SMARCD3: variants seen among roughly 807,000 people sequenced by gnomAD.
The protein encoded by SMARCD3 is SWI/SNF-related matrix-associated actin-dependent regulator of chromatin subfamily D member 3.
A neutral mutation model predicts 58.0 loss-of-function variants in SMARCD3; 14 were observed. That is an observed-to-expected ratio of 0.24 (90% CI 0.16 to 0.38). SMARCD3 has a LOEUF of 0.38. SMARCD3 is among the 10% of genes least tolerant of loss of function. The pLI is 1.00. For missense variants in SMARCD3, 408 were observed against 636.9 expected, an observed-to-expected ratio of 0.64 and a Z score of 3.87; for synonymous variants, 253 against 253.8, an observed-to-expected ratio of 1.00 and a Z score of 0.03.
Position 151,241,378 on chromosome 7 carries a change from T to C in SMARCD3, c.939+114A>G, listed in dbSNP as rs1233202018. ...CTCCAAGACCATGACTGTGTACTGC[T>C]TCTGCTACTCAGGAATCTAGAAGGG... On this transcript the variant is annotated intron_variant, in intron 8 of 12. Coordinates refer to ENST00000262188, the MANE Select transcript of SMARCD3 (RefSeq NM_001003801.2). The surrounding 1 kb of genome is among the most constrained non-coding windows in gnomAD (Gnocchi z 5.3). 1.1e-6 allele frequency: 1 copy of C among 898,210 alleles called. No individual in the cohort carries two copies. The highest frequency in any genetic ancestry group is 1.4e-5 in the South Asian group (1 of 70,420). The allele number at this position is 898,210 out of a possible 1,614,324, so 55.6% of individuals were successfully genotyped here.
chr7:151,259,626 T>TTTTTTTTTTTA (rs1803850533), intron 2 of SMARCD3, among the ~76,000 whole-genome samples: 1 of 144,420 alleles, frequency 6.9e-6, no homozygotes, highest in African/African-American at 2.6e-5. Flanking sequence ...TTTTTTTTTT[T>TTTTTTTTTTTA]GAGACGGACT....
chr7:151,265,579 A>C (rs1006419608), intron 2 of SMARCD3, among the ~76,000 whole-genome samples: 1 of 152,112 alleles, frequency 6.6e-6, no homozygotes, highest in Non-Finnish European at 1.5e-5. Context: ...TCCACCTACC[A>C]CCTGGGCCTC....
chr7:151,263,179 C>T (rs1226561752), intron 2 of SMARCD3, among the ~76,000 whole-genome samples: 3 of 152,048 alleles, frequency 2.0e-5, no homozygotes, highest in Non-Finnish European at 4.4e-5. Flanking sequence ...TGTGTCTAGA[C>T]TAGATCCTAG....
At chr7:151,256,267 C>A (rs1213260707) in intron 2 of SMARCD3, among the ~76,000 whole-genome samples, 1 of 151,310 alleles carries the variant, frequency 6.6e-6, no homozygotes, top group Admixed American at 6.6e-5. Context: ...GCCTCCTGGG[C>A]TCAAGCAATT....
chr7:151,257,469 G>GTT (rs2150605812), intron 2 of SMARCD3, among the ~76,000 whole-genome samples: 1 of 152,260 alleles, frequency 6.6e-6, no homozygotes, highest in East Asian at 1.9e-4. Flanking sequence ...TGGGACTACA[G>GTT]GCACCCGCCA....
chr7:151,274,497 C>T (rs918499731), intron 2 of SMARCD3, among the ~76,000 whole-genome samples: 4 of 152,174 alleles, frequency 2.6e-5, no homozygotes, highest in Non-Finnish European at 4.4e-5. Flanking sequence ...GCTAGAGGTC[C>T]GCCTGGGGCA....
In SMARCD3 at chr7:151,247,231, G is replaced by A. The variant is rs566763221; in HGVS notation, c.78+1254C>T. On this transcript the variant is annotated intron_variant, in intron 1 of 12. Coordinates refer to ENST00000262188, the MANE Select transcript of SMARCD3 (RefSeq NM_001003801.2). ...AAGAACTGAAGCTGTAAGTTGACCA[G>A]ATTAAAAAAACAGTCCACGTGTACA... 2.6e-4 allele frequency among the ~76,000 whole-genome samples: 40 copies of A among 152,208 alleles called. 1 individual carries two copies. The South Asian group carries it at 7.9e-3, about 30-fold the overall frequency.
Position 151,239,302 on chromosome 7 carries a change from T to C in SMARCD3, c.1398+94A>G, listed in dbSNP as rs1330393699. ...GTGAGGCAGCGTGGTGAAGCTTTAC[T>C]GTGGGGAGCTGCGAGGGCTGCCCAC... On this transcript the variant is annotated intron_variant, in intron 12 of 12. Coordinates refer to ENST00000262188, the MANE Select transcript of SMARCD3 (RefSeq NM_001003801.2). The surrounding 1 kb of genome is among the most constrained non-coding windows in gnomAD (Gnocchi z 7.0). 8 of 1,321,612 alleles carry C rather than the reference T, an allele frequency of 6.1e-6. No individual in the cohort carries two copies. In the East Asian group the frequency reaches 1.9e-4, roughly 31 times the overall value. 81.9% of individuals were successfully genotyped at this position (1,321,612 alleles called of 1,614,324 possible).
At chr7:151,251,814 C>A (rs890552128), upstream of SMARCD3, among the ~76,000 whole-genome samples, 1 of 151,298 alleles carries the variant, frequency 6.6e-6, no homozygotes, top group African/African-American at 2.4e-5. Context: ...AAGCGCCGCT[C>A]CCCGCGCAGG....
At chr7:151,276,858 G>C (rs1317762104), upstream of SMARCD3, 1 of 110,342 alleles carries the variant, frequency 9.1e-6, no homozygotes, top group African/African-American at 3.4e-5. Context: ...GGGGAGGAGG[G>C]GGAAGCCAGG....
At chr7:151,258,694 G>T (rs972317339) in intron 2 of SMARCD3, among the ~76,000 whole-genome samples, 2 of 151,994 alleles carry the variant, frequency 1.3e-5, no homozygotes, top group Non-Finnish European at 2.9e-5. Context: ...TGCAGGATCT[G>T]GTCTCATCCT....
chr7:151,275,248 G>A, exon 2 of SMARCD3: 2 of 1,031,852 alleles, frequency 1.9e-6, no homozygotes, highest in Non-Finnish European at 1.5e-6. Context: ...GCCATTCTGA[G>A]GATCTGAAAG....
chr7:151,253,847 G>A (rs191664317), intron 2 of SMARCD3, among the ~76,000 whole-genome samples: 10 of 152,080 alleles, frequency 6.6e-5, no homozygotes, highest in African/African-American at 1.2e-4. Context: ...GCGGGCAATA[G>A]GGCCACGTCC....
rs780171546 is a variant in SMARCD3 at position 151,248,604 on chromosome 7, C to T, written c.-42G>A. On this transcript the variant is annotated 5_prime_UTR_variant, in exon 1 of 13. Coordinates refer to ENST00000262188, the MANE Select transcript of SMARCD3 (RefSeq NM_001003801.2). The surrounding 1 kb of genome is among the most constrained non-coding windows in gnomAD (Gnocchi z 6.1). ...GCTCCTCTCACTCTCTCTCTCTCTT[C>T]CTCTTTCTTTCCCTTTTCTGCCTTT... The T allele has an allele frequency of 3.3e-5, 53 of 1,607,862 alleles. No homozygotes were observed. The highest frequency in any genetic ancestry group is 4.3e-5 in the Non-Finnish European group (51 of 1,175,798).
At position 151,245,531 on chromosome 7, in the gene SMARCD3, C is replaced by T. The variant is rs1803216633; in HGVS notation, c.219G>A (p.Ala73=). The change falls in exon 2 of 13, where the codon GCG becomes GCA. Residue 73 remains alanine (A), a synonymous_variant. Coordinates refer to ENST00000262188, the MANE Select transcript of SMARCD3 (RefSeq NM_001003801.2). This position sits in a 1 kb window ranked among gnomAD's most constrained non-coding sequence, Gnocchi z 6.2. ...AGMEPARKRA[A]PPPGQSQAQS... Reference sequence around the variant, plus strand: ...GTGCCTGGCTCTGCCCGGGCGGGGGCGCTGCTCGCTTGCGGGCGGGCTCCA... The same window carrying T: ...GTGCCTGGCTCTGCCCGGGCGGGGGTGCTGCTCGCTTGCGGGCGGGCTCCA... 2.5e-6 allele frequency: 3 copies of T among 1,220,630 alleles called. No homozygotes were observed. Among genetic ancestry groups the T allele is most frequent in the East Asian group, 3.2e-5 (1 of 31,206 alleles). 75.6% of individuals were successfully genotyped at this position (1,220,630 alleles called of 1,614,324 possible).
intron 2 of SMARCD3, among the ~76,000 whole-genome samples, chr7:151,254,052 CAT>C (rs1402397643): frequency 6.6e-6 from 1 of 152,202 alleles, no homozygotes; most frequent in Non-Finnish European, 1.5e-5. Flanking sequence ...CCTCGGGACT[CAT>C]AGGGTGGTTG....
intron 2 of SMARCD3, among the ~76,000 whole-genome samples, chr7:151,264,835 C>G (rs1804033157): frequency 6.6e-6 from 1 of 152,302 alleles, no homozygotes; most frequent in African/African-American, 2.4e-5. Context: ...ACTAACTGCC[C>G]AGGGTAACTG....
In SMARCD3 at chr7:151,239,651, C is replaced by A; in HGVS notation, c.1269G>T (p.Leu423=). The stretch of plus-strand genomic sequence containing the variant: ...TGAGGTCCCGGCTCTGGGAGCGGAG[C>A]AGGTCTTGGACATAGCCTTTGGGGT... ...SRDPKGYVQD[L]LRSQSRDLKV... The change falls in exon 11 of 13, where the codon CTG becomes CTT. Residue 423 remains leucine (L), a synonymous_variant. Transcript: ENST00000262188. This position sits in a 1 kb window ranked among gnomAD's most constrained non-coding sequence, Gnocchi z 7.0. 1 of 1,614,110 alleles carries A rather than the reference C, an allele frequency of 6.2e-7. No homozygotes were observed. The highest frequency in any genetic ancestry group is 8.5e-7 in the Non-Finnish European group (1 of 1,180,022).
rs752586145 is a variant in SMARCD3 at position 151,248,577 on chromosome 7, C to G, written c.-15G>C. ...TCCGCGGCCATCGGGGTGGGCTCAG[C>G]GGCTCCTCTCACTCTCTCTCTCTCT... On this transcript the variant is annotated 5_prime_UTR_variant, in exon 1 of 13. Transcript: ENST00000262188. This position sits in a 1 kb window ranked among gnomAD's most constrained non-coding sequence, Gnocchi z 6.1. 1.9e-6 allele frequency: 3 copies of G among 1,613,438 alleles called. No homozygotes were observed. The highest frequency in any genetic ancestry group is 2.2e-5 in the East Asian group (1 of 44,870).
Sources: allele counts gnomAD v4.1 joint callset (sites outside exome capture counted in the v4.1 genomes callset), GRCh38; gene constraint gnomAD v4.1.1; non-coding constraint Gnocchi (gnomAD v3.1); transcripts MANE v1.5; gene names NCBI Gene and HGNC (gene_info 2026-07-23, HGNC 2026-07-21).